Variants in ROBO1 observed in about 807,000 individuals in gnomAD.
ROBO1 encodes roundabout homolog 1.
In ROBO1, 149 loss-of-function variants were observed where a neutral mutation model predicts 195.9. That is an observed-to-expected ratio of 0.76 (90% CI 0.67 to 0.87). The LOEUF (loss-of-function observed/expected upper bound fraction) is 0.87. Among genes scored for constraint, ROBO1 ranks in the 40% least tolerant of loss-of-function variants. The pLI, the probability that ROBO1 is intolerant of heterozygous loss-of-function variation, is 0.00. For missense variants in ROBO1, 1,933 were observed against 2,068.3 expected, an observed-to-expected ratio of 0.93 and a Z score of 1.27; for synonymous variants, 816 against 733.2, an observed-to-expected ratio of 1.11 and a Z score of -1.82.
intron 4 of ROBO1, among the ~76,000 whole-genome samples, chr3:78,886,505 A>G (rs914284028): frequency 3.0e-4 from 45 of 152,066 alleles, no homozygotes; most frequent in African/African-American, 1.1e-3. Context: ...GAGGCAGGAG[A>G]ATCACTTGAA....
At chr3:79,626,003 C>G (rs944577130) in intron 1 of ROBO1, among the ~76,000 whole-genome samples, 3 of 152,150 alleles carry the variant, frequency 2.0e-5, no homozygotes, top group Non-Finnish European at 4.4e-5. Context: ...AAAAACTTAT[C>G]CTGCATGATC....
chr3:79,127,059 A>T (rs1273000845), intron 2 of ROBO1, among the ~76,000 whole-genome samples: 2 of 151,946 alleles, frequency 1.3e-5, no homozygotes, highest in African/African-American at 4.8e-5. Context: ...AAAGATACTC[A>T]TTCTTGCTTT....
At chr3:79,033,202 A>T (rs1458356507) in intron 3 of ROBO1, among the ~76,000 whole-genome samples, 1 of 152,090 alleles carries the variant, frequency 6.6e-6, no homozygotes, top group Admixed American at 6.5e-5. Flanking sequence ...TTGTCCAGGA[A>T]TTCTGGGGAT....
intron 8 of ROBO1, among the ~76,000 whole-genome samples, chr3:78,697,992 G>T (rs2107914803): frequency 6.6e-6 from 1 of 152,106 alleles, no homozygotes; most frequent in African/African-American, 2.4e-5. Flanking sequence ...ATAGATATAA[G>T]TTTTCACTGC....
At chr3:78,602,557 A>G (rs1370454317) in intron 29 of ROBO1, among the ~76,000 whole-genome samples, 3 of 152,196 alleles carry the variant, frequency 2.0e-5, no homozygotes, top group African/African-American at 4.8e-5. Context: ...GATTTTACCC[A>G]GTCTCACAGA....
intron 7 of ROBO1, among the ~76,000 whole-genome samples, chr3:78,716,286 A>G (rs994078977): frequency 6.6e-6 from 1 of 152,190 alleles, no homozygotes; most frequent in East Asian, 1.9e-4. Context: ...TTTATAAAGG[A>G]AAGAGGTTTA....
chr3:78,811,149 C>T lies in ROBO1; in HGVS notation c.500-64249G>A, dbSNP rs181370089. ...TATCTTTCAAGATTACCCAGAAATC[C>T]TTAATGGGATTCAAATGGAAACCCT... On this transcript the variant is annotated intron_variant, in intron 4 of 30. Coordinates refer to ENST00000464233, the MANE Select transcript of ROBO1 (RefSeq NM_002941.4). 1.8e-3 allele frequency among the ~76,000 whole-genome samples: 269 copies of T among 152,228 alleles called. 1 individual carries two copies. Among genetic ancestry groups the T allele is most frequent in the Non-Finnish European group, 3.2e-3 (217 of 68,006 alleles).
chr3:79,248,374 C>CAA (rs10559171), intron 2 of ROBO1, among the ~76,000 whole-genome samples: 3,776 of 34,962 alleles, frequency 0.11, 129 homozygotes, highest in African/African-American at 0.17. Flanking sequence ...GAAGACAGAC[C>CAA]AAAAAAAAAA....
intron 1 of ROBO1, among the ~76,000 whole-genome samples, chr3:79,683,704 C>G (rs1029168700): frequency 2.6e-5 from 4 of 152,028 alleles, no homozygotes; most frequent in African/African-American, 7.2e-5. Context: ...TATACAATAT[C>G]TGGCTTTATA....
At chr3:79,414,128 T>C (rs1177974468) in intron 2 of ROBO1, among the ~76,000 whole-genome samples, 1 of 152,018 alleles carries the variant, frequency 6.6e-6, no homozygotes, top group Non-Finnish European at 1.5e-5. Flanking sequence ...ATCATTAACT[T>C]TTCTTAGGAC....
At chr3:79,297,602 T>C (rs935282606) in intron 2 of ROBO1, among the ~76,000 whole-genome samples, 1 of 152,120 alleles carries the variant, frequency 6.6e-6, no homozygotes, top group South Asian at 2.1e-4. Context: ...TAAAAACATT[T>C]GAGTTGTTTT....
chr3:79,267,943 A>C (rs530918727), intron 2 of ROBO1, among the ~76,000 whole-genome samples: 1 of 151,810 alleles, frequency 6.6e-6, no homozygotes, highest in South Asian at 2.1e-4. Context: ...TTAGAGATTT[A>C]AGCAAATTAT....
At chr3:79,119,855 C>G (rs2080083793) in intron 3 of ROBO1, among the ~76,000 whole-genome samples, 1 of 151,974 alleles carries the variant, frequency 6.6e-6, no homozygotes, top group South Asian at 2.1e-4. Context: ...ACTACAACCT[C>G]TACCTCCTGG....
chr3:79,144,898 T>C (rs1339201124), intron 2 of ROBO1, among the ~76,000 whole-genome samples: 1 of 152,014 alleles, frequency 6.6e-6, no homozygotes, highest in Non-Finnish European at 1.5e-5. Flanking sequence ...TGTAGGTTAT[T>C]ATGCAGTGCA....
rs2038223450 is a variant in ROBO1, at chr3:78,911,234, A to C, written c.499+27367T>G. Among the ~76,000 whole-genome samples, 2 of 152,086 alleles carry C rather than the reference A, an allele frequency of 1.3e-5. 1 individual carries two copies. Among genetic ancestry groups the C allele is most frequent in the South Asian group, 4.1e-4 (2 of 4,838 alleles). ...AGATAATTGCATCCATACTTTGAGA[A>C]GCTCCAAAATCCAATCTATGGCAAA... On this transcript the variant is annotated intron_variant, in intron 4 of 30. Transcript: ENST00000464233.
rs2077321885 is a variant in ROBO1, at chr3:78,994,816, G to T, written c.173-55889C>A. 2.6e-5 allele frequency among the ~76,000 whole-genome samples: 4 copies of T among 152,062 alleles called. No homozygotes were observed. The South Asian group carries it at 8.3e-4, about 32-fold the overall frequency. ...ATTTGTAGCCTCTAAAATTACACTG[G>T]TTGAACCCAGACGGAGTTAATCACC... is the stretch of plus-strand genomic sequence containing the variant. On this transcript the variant is annotated intron_variant, in intron 3 of 30. Transcript: ENST00000464233.
intron 1 of ROBO1, among the ~76,000 whole-genome samples, chr3:79,669,152 C>G (rs771095759): frequency 4.6e-5 from 7 of 151,780 alleles, no homozygotes; most frequent in Non-Finnish European, 1.0e-4. Context: ...GGGAGCGGGT[C>G]TTTCCCATGC....
At chr3:79,120,560 A>G (rs2080098377) in intron 3 of ROBO1, among the ~76,000 whole-genome samples, 1 of 152,148 alleles carries the variant, frequency 6.6e-6, no homozygotes. Flanking sequence ...AAGTAATTAG[A>G]TCTAAGAAAC....
intron 2 of ROBO1, among the ~76,000 whole-genome samples, chr3:79,369,917 A>C (rs7639769): frequency 6.6e-6 from 1 of 152,044 alleles, no homozygotes; most frequent in Non-Finnish European, 1.5e-5. Flanking sequence ...AAATATAAAG[A>C]CATAAGAGAA....
Sources: gnomAD v4.1 joint callset for allele counts (sites outside exome capture counted in the v4.1 genomes callset) on GRCh38, gnomAD v4.1.1 for gene constraint, MANE v1.5 for transcripts, NCBI Gene and HGNC (gene_info 2026-07-23, HGNC 2026-07-21) for gene names.